Variants in ORC5 observed in about 807,000 individuals in gnomAD.
ORC5 encodes origin recognition complex subunit 5.
Under a neutral mutation model 58.8 loss-of-function variants are expected in ORC5, and 39 were observed. The observed-to-expected ratio is 0.66, with a 90% CI of 0.51 to 0.87. The LOEUF is 0.87. Among genes scored for constraint, ORC5 ranks in the 40% least tolerant of loss-of-function variants. ORC5 has a pLI of 0.00. For synonymous variants in ORC5, 218 were observed against 177.6 expected, an observed-to-expected ratio of 1.23 and a Z score of -1.81; for missense variants, 493 against 506.3, an observed-to-expected ratio of 0.97 and a Z score of 0.25.
chr7:104,167,267 T>C (rs1799123721), intron 9 of ORC5, among the ~76,000 whole-genome samples: 1 of 151,886 alleles, frequency 6.6e-6, no homozygotes, highest in African/African-American at 2.4e-5. Context: ...CAGTTAACTG[T>C]ACAGGTTGAG....
At chr7:104,194,911 G>A (rs1486742688) in intron 5 of ORC5, among the ~76,000 whole-genome samples, 1 of 130,016 alleles carries the variant, frequency 7.7e-6, no homozygotes, top group African/African-American at 3.7e-5. Context: ...TTTGAGATTG[G>A]CAGCAAACCT....
At chr7:104,128,928 A>C (rs1372750199) in intron 13 of ORC5, among the ~76,000 whole-genome samples, 1 of 151,988 alleles carries the variant, frequency 6.6e-6, no homozygotes, top group Non-Finnish European at 1.5e-5. Context: ...GTGAAAACAA[A>C]ATTTTTGAAG....
At chr7:104,137,495 A>T (rs1039713846) in intron 12 of ORC5, among the ~76,000 whole-genome samples, 1 of 151,960 alleles carries the variant, frequency 6.6e-6, no homozygotes, top group African/African-American at 2.4e-5. Context: ...CTGGCATTTC[A>T]GTTTTTGTGC....
intron 8 of ORC5, among the ~76,000 whole-genome samples, chr7:104,172,982 TAAAA>T (rs57266058): frequency 2.1e-5 from 3 of 142,886 alleles, no homozygotes; most frequent in Admixed American, 1.4e-4. Context: ...CTTTCCAGGT[TAAAA>T]AAAAAAAAAA....
At chr7:104,145,664 C>T (rs1215548849) in intron 12 of ORC5, among the ~76,000 whole-genome samples, 1 of 151,906 alleles carries the variant, frequency 6.6e-6, no homozygotes, top group Non-Finnish European at 1.5e-5. Context: ...CTGCTAAGTA[C>T]AACTATAAAT....
chr7:104,173,558 T>C (rs1799255999), intron 8 of ORC5, among the ~76,000 whole-genome samples: 1 of 152,210 alleles, frequency 6.6e-6, no homozygotes, highest in Admixed American at 6.5e-5. Context: ...TCACCTTTTC[T>C]GCCCTGGTGA....
chr7:104,189,112 G>A (rs1461206568), intron 5 of ORC5, among the ~76,000 whole-genome samples: 1 of 152,082 alleles, frequency 6.6e-6, no homozygotes. Context: ...TTCAGGATGG[G>A]GACTGGTTGT....
chr7:104,149,359 T>A (rs10278320), intron 12 of ORC5, among the ~76,000 whole-genome samples: 8,092 of 152,186 alleles, frequency 0.053, 706 homozygotes, highest in African/African-American at 0.18. Context: ...TATTCTATTG[T>A]CAGTAATGTT....
chr7:104,145,420 A>C (rs1004907030), intron 12 of ORC5, among the ~76,000 whole-genome samples: 3 of 152,176 alleles, frequency 2.0e-5, no homozygotes, highest in African/African-American at 7.2e-5. Context: ...AGAAGGATTT[A>C]ATCTCTGTTG....
At chr7:104,168,260 TAGAA>T (rs1191537407) in intron 9 of ORC5, 34 of 1,125,580 alleles carry the variant, frequency 3.0e-5, no homozygotes, top group Non-Finnish European at 3.6e-5. Flanking sequence ...ATTTAGAAAA[TAGAA>T]AGCTGGTATT....
In ORC5 at chr7:104,138,008, G is replaced by T. The variant is rs1047981228; in HGVS notation, c.1150-1115C>A. Reference sequence around the variant, plus strand: ...TAACACGCCCACTGCGGCTTCAGGAGCTGTAAGCATTCATCCCTAGATGCG... The same window carrying T: ...TAACACGCCCACTGCGGCTTCAGGATCTGTAAGCATTCATCCCTAGATGCG... On this transcript the variant is annotated intron_variant, in intron 12 of 13. Coordinates refer to ENST00000297431, the MANE Select transcript of ORC5 (RefSeq NM_002553.4). This position sits in a 1 kb window ranked among gnomAD's most constrained non-coding sequence, Gnocchi z 4.7. Among the ~76,000 whole-genome samples, 2 of 152,220 alleles carry T rather than the reference G, an allele frequency of 1.3e-5. No individual in the cohort carries two copies. The highest frequency in any genetic ancestry group is 2.9e-5 in the Non-Finnish European group (2 of 68,050).
chr7:104,147,469 A>G (rs1396845330), intron 12 of ORC5, among the ~76,000 whole-genome samples: 1 of 152,190 alleles, frequency 6.6e-6, no homozygotes, highest in African/African-American at 2.4e-5. Context: ...TGCACTTCAA[A>G]TTTATTAAAA....
chr7:104,187,962 C>A (rs1799584768), intron 6 of ORC5: 3 of 1,026,484 alleles, frequency 2.9e-6, no homozygotes, highest in African/African-American at 1.7e-5. Flanking sequence ...TGGAGTTCTG[C>A]ATTTTCTGCA....
chr7:104,161,815 G>C (rs1186697312), intron 11 of ORC5, among the ~76,000 whole-genome samples: 1 of 152,116 alleles, frequency 6.6e-6, no homozygotes, highest in Admixed American at 6.6e-5. Context: ...GTTATAACCA[G>C]GTGTTAAGTA....
In ORC5 at chr7:104,166,851, T is replaced by C. The variant is rs199686309; in HGVS notation, c.911A>G (p.Tyr304Cys). 42 of 1,611,124 alleles carry C rather than the reference T, an allele frequency of 2.6e-5. No individual in the cohort carries two copies. Among genetic ancestry groups the C allele is most frequent in the East Asian group, 4.5e-5 (2 of 44,806 alleles). ...LSAHTHVELP[Y>C]YSKFILIAAY... ...AGCAATTAGAATGAACTTAGAGTAA[T>C]ATGGAAGTTCCACATGAGTATGCGC... Residue 304 changes from tyrosine to cysteine, a missense_variant, in exon 10 of 14, where the codon TAT (tyrosine) becomes TGT (cysteine). By Grantham distance (194) the Tyr-to-Cys change is radical. Around this residue, in one of 3 missense-constraint regions of ORC5, gnomAD observed 412 missense variants for 403.7 expected, o/e 1.02. Coordinates refer to ENST00000297431, the MANE Select transcript of ORC5 (RefSeq NM_002553.4).
At chr7:104,154,756 T>C (rs1287474318) in intron 12 of ORC5, among the ~76,000 whole-genome samples, 1 of 151,912 alleles carries the variant, frequency 6.6e-6, no homozygotes. Flanking sequence ...TTTTTATTTA[T>C]AAACGTTTTA....
At chr7:104,162,275 T>C (rs1288760919) in intron 11 of ORC5, among the ~76,000 whole-genome samples, 1 of 152,162 alleles carries the variant, frequency 6.6e-6, no homozygotes, top group African/African-American at 2.4e-5. Flanking sequence ...CAGGTTCAAG[T>C]GATTCTCGTA....
At chr7:104,165,357 A>G in intron 10 of ORC5, 75 bp from the exon 11 acceptor site, 1 of 797,448 alleles carries the variant, frequency 1.3e-6, no homozygotes, top group Non-Finnish European at 2.1e-6. Flanking sequence ...TTTATTTAAA[A>G]CATGGCACAC....
rs115305602 is a variant in ORC5, at chr7:104,143,470, T to G, written c.1150-6577A>C. ...AACAAACAAGCCCTTGAAGTCACTT[T>G]CAGTTCTACCAAGATTCCCCGGCTA... is the stretch of plus-strand genomic sequence containing the variant. On this transcript the variant is annotated intron_variant, in intron 12 of 13. Coordinates refer to ENST00000297431, the MANE Select transcript of ORC5 (RefSeq NM_002553.4). 7.2e-3 allele frequency among the ~76,000 whole-genome samples: 1,104 copies of G among 152,294 alleles called. 17 individuals carry two copies. Among genetic ancestry groups the G allele is most frequent in the African/African-American group, 0.025 (1,047 of 41,558 alleles).
Sources: gnomAD v4.1 joint callset for allele counts (sites outside exome capture counted in the v4.1 genomes callset) on GRCh38, gnomAD v4.1.1 for gene constraint, gnomAD v4.1.1 regional missense constraint, Gnocchi (gnomAD v3.1) non-coding constraint, MANE v1.5 for transcripts, NCBI Gene and HGNC (gene_info 2026-07-23, HGNC 2026-07-21) for gene names.